TGM3: variants seen among roughly 807,000 people sequenced by gnomAD.
TGM3 encodes transglutaminase 3.
In TGM3, 52 loss-of-function variants were observed where a neutral mutation model predicts 73.8. The observed-to-expected ratio is 0.70, with a 90% CI of 0.56 to 0.89. The LOEUF is 0.89. Among genes scored for constraint, TGM3 ranks in the 40% least tolerant of loss-of-function variants. TGM3 has a pLI of 0.00. For missense variants in TGM3, 928 were observed against 909.9 expected, an observed-to-expected ratio of 1.02 and a Z score of -0.26; for synonymous variants, 372 against 354.9, an observed-to-expected ratio of 1.05 and a Z score of -0.54.
intron 1 of TGM3, among the ~76,000 whole-genome samples, chr20:2,301,016 T>C (rs1482789087): frequency 6.6e-6 from 1 of 152,088 alleles, no homozygotes; most frequent in Non-Finnish European, 1.5e-5. Flanking sequence ...AGACCCTTGC[T>C]CAGGGCCTCT....
intron 1 of TGM3, among the ~76,000 whole-genome samples, chr20:2,305,837 G>C (rs548874287): frequency 7.4e-4 from 113 of 152,328 alleles, no homozygotes; most frequent in African/African-American, 2.6e-3. Flanking sequence ...AAAACAGGAC[G>C]TCTACAAGTG....
intron 11 of TGM3, among the ~76,000 whole-genome samples, chr20:2,337,796 C>T (rs2084359268): frequency 6.6e-6 from 1 of 152,122 alleles, no homozygotes; most frequent in Admixed American, 6.5e-5. Context: ...AACCTTCTTC[C>T]AGCATTATCT....
chr20:2,322,504 C>T (rs775000174), intron 7 of TGM3, among the ~76,000 whole-genome samples: 1 of 152,138 alleles, frequency 6.6e-6, no homozygotes, highest in Non-Finnish European at 1.5e-5. Context: ...TCAAATACGT[C>T]GTAAGTGCAT....
At chr20:2,327,129 G>T (rs188799120) in intron 8 of TGM3, among the ~76,000 whole-genome samples, 96 of 152,278 alleles carry the variant, frequency 6.3e-4, no homozygotes, top group African/African-American at 2.2e-3. Context: ...GAAATGGAAT[G>T]GAACGGAAAG....
chr20:2,340,308 G>C, intron 12 of TGM3, 126 bp from the exon 13 acceptor site: 1 of 1,391,430 alleles, frequency 7.2e-7, no homozygotes, highest in African/African-American at 1.4e-5. Context: ...GAGACAGCTA[G>C]AGGGAGCTAA....
intron 7 of TGM3, among the ~76,000 whole-genome samples, chr20:2,322,959 T>A (rs768824785): frequency 6.6e-6 from 1 of 152,252 alleles, no homozygotes; most frequent in Non-Finnish European, 1.5e-5. Flanking sequence ...ATGGTGGATA[T>A]CTAAGAAAAT....
rs2084238679 is a variant in TGM3, at chr20:2,317,156, GC to G, written c.759del (p.Ser253ArgfsTer41). 1.2e-6 allele frequency: 2 copies of G among 1,613,996 alleles called. No individual in the cohort carries two copies. The highest frequency in any genetic ancestry group is 2.7e-5 in the African/African-American group (2 of 74,942). ...CGGGACCCAAGGAGCTGGAACGGCA[GC>G]GTGGAGATCCTCAAAAATTGGAAAA... ...GGRDPRSWNG[S>X]VEILKNWKKS... On this transcript the variant is annotated frameshift_variant, in exon 6 of 13. Coordinates refer to ENST00000381458, the MANE Select transcript of TGM3 (RefSeq NM_003245.4). LOFTEE classifies it high-confidence loss of function.
At chr20:2,322,919 T>C (rs1274091357) in intron 7 of TGM3, among the ~76,000 whole-genome samples, 2 of 152,174 alleles carry the variant, frequency 1.3e-5, no homozygotes, top group Non-Finnish European at 2.9e-5. Flanking sequence ...TTGTATGCAC[T>C]ATATATATAA....
intron 9 of TGM3, among the ~76,000 whole-genome samples, chr20:2,329,935 G>C (rs567199986): frequency 6.6e-6 from 1 of 152,026 alleles, no homozygotes; most frequent in Non-Finnish European, 1.5e-5. Context: ...TTTTGCAGGC[G>C]CTGCTTACAT....
chr20:2,300,063 C>T (rs539079204), intron 1 of TGM3, among the ~76,000 whole-genome samples: 1 of 148,414 alleles, frequency 6.7e-6, no homozygotes, highest in East Asian at 2.0e-4. Flanking sequence ...GCTGAGATCA[C>T]ACCACTACAC....
intron 9 of TGM3, among the ~76,000 whole-genome samples, chr20:2,329,120 C>A (rs560339908): frequency 6.6e-6 from 1 of 152,318 alleles, no homozygotes; most frequent in African/African-American, 2.4e-5. Context: ...TTGCAGGCCA[C>A]AGTCACTCCT....
intron 1 of TGM3, among the ~76,000 whole-genome samples, chr20:2,303,021 C>T (rs214787): frequency 0.75 from 114,015 of 152,154 alleles, 44,218 homozygotes; most frequent in East Asian, 0.93. Context: ...AGAATAGGGC[C>T]GAGCGAGGTG....
chr20:2,310,569 A>G (rs1011821861), intron 3 of TGM3, 152 bp downstream of exon 3: 1 of 1,283,380 alleles, frequency 7.8e-7, no homozygotes, highest in African/African-American at 1.5e-5. Flanking sequence ...GAGCTCTGAC[A>G]CTTAAGCAGC....
intron 1 of TGM3, among the ~76,000 whole-genome samples, chr20:2,307,120 AT>A: frequency 6.6e-6 from 1 of 152,124 alleles, no homozygotes; most frequent in South Asian, 2.1e-4. Context: ...AAACCTATTA[AT>A]TTATTCTTTC....
At position 2,310,332 on chromosome 20, in the gene TGM3, A is replaced by G. The variant is rs1188201006; in HGVS notation, c.336A>G (p.Thr112=). 1.9e-6 allele frequency: 3 copies of G among 1,614,200 alleles called. No homozygotes were observed. Among genetic ancestry groups the G allele is most frequent in the South Asian group, 1.1e-5 (1 of 91,088 alleles). The change falls in exon 3 of 13, where the codon ACA becomes ACG. Residue 112 remains threonine, a synonymous_variant. Transcript: ENST00000381458. ...CCAGCGCACCCATAGGACGGTACAC[A>G]ATGGCCCTCCAGATCTTCTCCCAGG... The part of the protein sequence containing the change: ...SPASAPIGRY[T]MALQIFSQGG...
At chr20:2,296,374 C>T (rs214761) in intron 1 of TGM3, among the ~76,000 whole-genome samples, 149,698 of 152,218 alleles carry the variant, frequency 0.98, 73,621 homozygotes, top group East Asian at 1. Flanking sequence ...TTTGTGTTTG[C>T]GTTTCTTTTA....
At position 2,317,623 on chromosome 20, in the gene TGM3, G is replaced by T. The variant is rs965312539; in HGVS notation, c.983+138G>T. 5 of 1,198,072 alleles carry T rather than the reference G, an allele frequency of 4.2e-6. No homozygotes were observed. The African/African-American group carries it at 7.5e-5, about 18-fold the overall frequency. 74.2% of individuals were successfully genotyped at this position (1,198,072 alleles called of 1,614,324 possible). On this transcript the variant is annotated intron_variant, in intron 7 of 12. Transcript: ENST00000381458. The stretch of plus-strand genomic sequence containing the variant: ...TCATCACAGGGTGTAGAATGGAACT[G>T]CTGGCAATGCTGATTACACACTTAG...
Position 2,317,063 on chromosome 20 carries a change from C to T in TGM3, c.670-5C>T. ...ACTCATTTTGGGGGGGTGGTTTCTG[C>T]CCAGATCAATAGCAATGATGACAAT... On this transcript the variant is annotated splice_region_variant and splice_polypyrimidine_tract_variant and intron_variant, in intron 5 of 12. Transcript: ENST00000381458. The T allele has an allele frequency of 6.2e-7, 1 of 1,613,298 alleles. No homozygotes were observed. The highest frequency in any genetic ancestry group is 8.5e-7 in the Non-Finnish European group (1 of 1,179,818).
rs2084150235 is a variant in TGM3, at chr20:2,301,887, G to T, written c.7+5817G>T. ...GGCTAATTTTTGTATTTTTAGTAGAGACAGGGTTTTGCCATGTTGGCCAGG... is the reference window on the plus strand; with the variant it reads ...GGCTAATTTTTGTATTTTTAGTAGATACAGGGTTTTGCCATGTTGGCCAGG... On this transcript the variant is annotated intron_variant, in intron 1 of 12. Transcript: ENST00000381458. Among the ~76,000 whole-genome samples the T allele has an allele frequency of 2.0e-5, 3 of 152,292 alleles. No individual in the cohort carries two copies. The South Asian group carries it at 6.2e-4, about 32-fold the overall frequency.
Sources: allele counts gnomAD v4.1 joint callset (sites outside exome capture counted in the v4.1 genomes callset), GRCh38; gene constraint gnomAD v4.1.1; transcripts MANE v1.5; gene names NCBI Gene and HGNC (gene_info 2026-07-23, HGNC 2026-07-21).